The following ADAM8 variants were observed in gnomAD, a reference collection of about 807,000 sequenced individuals.
ADAM8 encodes disintegrin and metalloproteinase domain-containing protein 8.
A neutral mutation model predicts 102.4 loss-of-function variants in ADAM8; 104 were observed. The ratio of observed to expected loss-of-function variants is 1.02; its 90% CI spans 0.87 to 1.20. ADAM8 has a LOEUF of 1.20. Among genes scored for constraint, ADAM8 ranks in the 50% most tolerant of loss-of-function variants. ADAM8 has a pLI of 0.00. For missense variants in ADAM8, 1,132 were observed against 1,159.0 expected, an observed-to-expected ratio of 0.98 and a Z score of 0.34; for synonymous variants, 517 against 485.2, an observed-to-expected ratio of 1.07 and a Z score of -0.86.
chr10:133,276,278 A>G (rs1018400285), intron 1 of ADAM8, among the ~76,000 whole-genome samples: 1 of 152,248 alleles, frequency 6.6e-6, no homozygotes, highest in Admixed American at 6.5e-5. Flanking sequence ...AGCACACCCC[A>G]GCCCAAGTCA....
intron 19 of ADAM8, 34 bp downstream of exon 19, chr10:133,268,714 C>A: frequency 6.3e-7 from 1 of 1,587,010 alleles, no homozygotes; most frequent in South Asian, 1.1e-5. Context: ...GGGAAGCACT[C>A]GCCACCCTCC....
Position 133,267,408 on chromosome 10 carries a change from T to C in ADAM8, c.2263A>G (p.Thr755Ala), listed in dbSNP as rs759320307. ...LKRPPPAPPV[T>A]VSSPPFPVPV... ...ACTGGGAAGGGTGGGCTGGACACAG[T>C]GACCGGAGGCTGGAGGAGACAGGGC... is the stretch of plus-strand genomic sequence containing the variant. Residue 755 changes from threonine (T) to alanine (A), a missense_variant, in exon 21 of 23, where the codon ACT becomes GCT. Thr to Ala is a moderately conservative substitution (Grantham distance 58, BLOSUM62 0). Coordinates refer to ENST00000445355, the MANE Select transcript of ADAM8 (RefSeq NM_001109.5). 8.7e-6 allele frequency: 14 copies of C among 1,609,606 alleles called. No individual in the cohort carries two copies. The highest frequency in any genetic ancestry group is 1.2e-5 in the Non-Finnish European group (14 of 1,178,932).
At position 133,263,172 on chromosome 10, in the gene ADAM8, G is replaced by A. The variant is rs200356896; in HGVS notation, c.2459C>T (p.Ala820Val). Residue 820 changes from alanine to valine, a missense_variant, in exon 23 of 23, where the codon GCT becomes GTT. Coordinates refer to ENST00000445355, the MANE Select transcript of ADAM8 (RefSeq NM_001109.5). Reference protein sequence around the residue: ...PPIQRKQGAGAPTAP With the variant: ...PPIQRKQGAGVPTAP ...GGTGCCCCCCTAGGGTGCTGTGGGA[G>A]CTCCGGCTCCTTGCTTCCTCTGGAT... is the stretch of plus-strand genomic sequence containing the variant. 3.0e-4 allele frequency: 492 copies of A among 1,613,890 alleles called. No homozygotes were observed. The highest frequency in any genetic ancestry group is 4.0e-4 in the Non-Finnish European group (471 of 1,179,818).
At position 133,270,865 on chromosome 10, in the gene ADAM8, T is replaced by A. The variant is rs1846497322; in HGVS notation, c.1564+16A>T. On this transcript the variant is annotated intron_variant, in intron 14 of 22. Transcript: ENST00000445355. ...CCTGCAGCCACCCTGCCAGGCCAGCTCTGTGCCCACTTCACCTGGCCCCCA... is the reference window on the plus strand; with the variant it reads ...CCTGCAGCCACCCTGCCAGGCCAGCACTGTGCCCACTTCACCTGGCCCCCA... 2 of 1,610,584 alleles carry A rather than the reference T, an allele frequency of 1.2e-6. No homozygotes were observed. Among genetic ancestry groups the A allele is most frequent in the South Asian group, 1.1e-5 (1 of 90,974 alleles).
chr10:133,268,956 C>T, intron 18 of ADAM8, 94 bp from the exon 19 acceptor site: 1 of 1,520,476 alleles, frequency 6.6e-7, no homozygotes, highest in Non-Finnish European at 8.8e-7. Flanking sequence ...CTCAGCACCC[C>T]CAGGCTGTGC....
At chr10:133,269,635 C>G in intron 17 of ADAM8, 106 bp from the exon 18 acceptor site, 2 of 1,167,198 alleles carry the variant, frequency 1.7e-6, no homozygotes, top group Non-Finnish European at 2.4e-6. Flanking sequence ...CCCCCGAGGG[C>G]CCCTCGGTCC....
At chr10:133,272,748 C>G in intron 8 of ADAM8, 50 bp downstream of exon 8, 2 of 1,564,428 alleles carry the variant, frequency 1.3e-6, no homozygotes, top group Admixed American at 1.7e-5. Flanking sequence ...ACACCCCCCC[C>G]ACCTCCCGCC....
At chr10:133,273,084 G>A (rs1846608589) in intron 6 of ADAM8, 65 bp from the exon 7 acceptor site, 1 of 1,609,388 alleles carries the variant, frequency 6.2e-7, no homozygotes. Context: ...CTCCCTCAGG[G>A]ACCCGGGGCC....
At position 133,271,640 on chromosome 10, in the gene ADAM8, G is replaced by A. The variant is rs1335632174; in HGVS notation, c.1172C>T (p.Pro391Leu). Residue 391 changes from proline (P) to leucine (L), a missense_variant, in exon 12 of 23, where the codon CCG becomes CTG. Transcript: ENST00000445355. ...GGCGTTGGCGAGGCACACCGACTGC[G>A]GCCGCTCCAAAAAGCTCTCCAGGTA... ...QAYLESFLERPQSVCLANAPD... is the reference protein window; with the variant it reads ...QAYLESFLERLQSVCLANAPD... The A allele has an allele frequency of 1.1e-5, 17 of 1,555,834 alleles. No individual in the cohort carries two copies. Among genetic ancestry groups the A allele is most frequent in the South Asian group, 4.7e-5 (4 of 85,066 alleles).
At position 133,268,054 on chromosome 10, in the gene ADAM8, C is replaced by T. The variant is rs61733288; in HGVS notation, c.2128G>A (p.Val710Met). 8.7e-4 allele frequency: 1,106 copies of T among 1,266,752 alleles called. 12 individuals carry two copies. The African/African-American group carries it at 0.014, about 16-fold the overall frequency. The allele number at this position is 1,266,752 out of a possible 1,614,324, so 78.5% of individuals were successfully genotyped here. Reference protein sequence around the residue: ...NPLFHQAASRVPAKGGAPAPS... With the variant: ...NPLFHQAASRMPAKGGAPAPS... ...GCTGGAGCCCCGCCCTTGGCCGGCA[C>T]GCGGCTGGCAGCCTGGTGGAACAGG... Residue 710 changes from valine (V) to methionine (M), a missense_variant, in exon 20 of 23, where the codon GTG (valine) becomes ATG (methionine). Physicochemically the swap from Val to Met is conservative, Grantham distance 21 (BLOSUM62 1). Coordinates refer to ENST00000445355, the MANE Select transcript of ADAM8 (RefSeq NM_001109.5).
intron 19 of ADAM8, 127 bp downstream of exon 19, chr10:133,268,603 AGCCGGGGGGCGTCATGAC>A (rs1846408901): frequency 3.3e-6 from 3 of 906,378 alleles, no homozygotes; most frequent in Non-Finnish European, 4.9e-6. Flanking sequence ...ACTCAGCCCA[AGCCGGGGGGCGTCATGAC>A]GTCGGGGCAC....
intron 8 of ADAM8, 71 bp downstream of exon 8, chr10:133,272,727 A>G (rs1306253072): frequency 1.3e-6 from 2 of 1,498,702 alleles, no homozygotes; most frequent in Non-Finnish European, 1.8e-6. Flanking sequence ...GGTGGAATGA[A>G]CCCTGTGGCA....
rs138556925 is a variant in ADAM8 at position 133,270,978 on chromosome 10, G to A, written c.1467C>T (p.Asp489=). The change falls in exon 14 of 23, where the codon GAC becomes GAT. Residue 489 remains aspartate, a synonymous_variant. Coordinates refer to ENST00000445355, the MANE Select transcript of ADAM8 (RefSeq NM_001109.5). The stretch of plus-strand genomic sequence containing the variant: ...AGGGCGTGCCGTTCTCCTGGAAGGC[G>A]TCTTCCGGGCACTCAGGGTGCCGGC... ...CDGRHPECPE[D]AFQENGTPCS... 1.4e-5 allele frequency: 23 copies of A among 1,612,862 alleles called. No individual in the cohort carries two copies. Among genetic ancestry groups the A allele is most frequent in the East Asian group, 4.5e-5 (2 of 44,890 alleles).
At chr10:133,274,120 C>T (rs181084756) in intron 3 of ADAM8, 39 bp downstream of exon 3, 434 of 1,583,322 alleles carry the variant, frequency 2.7e-4, no homozygotes, top group Non-Finnish European at 3.5e-4. Context: ...TGTGCTGGAG[C>T]CAGGCCCGGG....
Position 133,262,985 on chromosome 10 carries a change from C to G in ADAM8, c.*171G>C. 5.0e-6 allele frequency: 4 copies of G among 803,458 alleles called. 1 individual carries two copies. The South Asian group carries it at 6.2e-5, about 12-fold the overall frequency. The allele number at this position is 803,458 out of a possible 1,614,324, so 49.8% of individuals were successfully genotyped here. On this transcript the variant is annotated 3_prime_UTR_variant, in exon 23 of 23. Transcript: ENST00000445355. ...GCGGGGAGAAGGAATTGGCTGAGGG[C>G]GTGGACAGCAGGAGCCTCTCAGGTA...
chr10:133,269,608 G>A (rs1160147239), intron 17 of ADAM8, 79 bp from the exon 18 acceptor site: 29 of 1,392,768 alleles, frequency 2.1e-5, no homozygotes, highest in Admixed American at 2.5e-5. Flanking sequence ...CAGCATGAGG[G>A]CCCCGGGCCA....
In ADAM8 at chr10:133,276,716, G is replaced by A. The variant is rs963591899; in HGVS notation, c.46+56C>T. The A allele has an allele frequency of 2.6e-6, 4 of 1,516,638 alleles. No homozygotes were observed. In the African/African-American group the frequency reaches 4.3e-5, roughly 16 times the overall value. 93.9% of individuals were successfully genotyped at this position (1,516,638 alleles called of 1,614,324 possible). On this transcript the variant is annotated intron_variant, in intron 1 of 22. Transcript: ENST00000445355. ...GCTCGGGGTCCGCGTCGCGTCCTGC[G>A]GGGAGAGCCACCCTGCCCCGCGCTG... is the stretch of plus-strand genomic sequence containing the variant.
chr10:133,269,929 T>G lies in ADAM8; in HGVS notation c.1831A>C (p.Ser611Arg). The G allele has an allele frequency of 3.1e-6, 5 of 1,612,778 alleles. No homozygotes were observed. The highest frequency in any genetic ancestry group is 4.2e-6 in the Non-Finnish European group (5 of 1,179,958). The change falls in exon 17 of 23, where the codon AGC (serine) becomes CGC (arginine). Residue 611 changes from serine to arginine, a missense_variant. Transcript: ENST00000445355. ...TTGTGGCACTGGGCAGAGCAGTTGC[T>G]GGATCTGTAAACGTGTAAGTCCTGG... ...RCQDLHVYRS[S>R]NCSAQCHNHG... is the part of the protein sequence containing the mutation.
Position 133,269,942 on chromosome 10 carries a change from G to A in ADAM8, c.1818C>T (p.His606=), listed in dbSNP as rs772457052. Residue 606 remains histidine, a synonymous_variant, in exon 17 of 23, where the codon CAC becomes CAT. Coordinates refer to ENST00000445355, the MANE Select transcript of ADAM8 (RefSeq NM_001109.5). Reference sequence around the variant, plus strand: ...CAGAGCAGTTGCTGGATCTGTAAACGTGTAAGTCCTGGCAACGTCCTTTCC... The same window carrying A: ...CAGAGCAGTTGCTGGATCTGTAAACATGTAAGTCCTGGCAACGTCCTTTCC... ...VCWKGRCQDL[H]VYRSSNCSAQ... The A allele has an allele frequency of 1.7e-5, 28 of 1,612,642 alleles. 1 individual carries two copies. The Middle Eastern group carries it at 4.9e-4, about 28-fold the overall frequency.
Sources: gnomAD v4.1 joint callset for allele counts (sites outside exome capture counted in the v4.1 genomes callset) on GRCh38, gnomAD v4.1.1 for gene constraint, MANE v1.5 for transcripts, NCBI Gene and HGNC (gene_info 2026-07-23, HGNC 2026-07-21) for gene names.